Variants in GOLGA8F observed in about 807,000 individuals in gnomAD.
GOLGA8F encodes golgin A8 family member F.
For missense variants in GOLGA8F, 2 were observed against 93.4 expected, an observed-to-expected ratio of 0.02 and a Z score of 4.03; for synonymous variants, 1 against 35.4, an observed-to-expected ratio of 0.03 and a Z score of 3.45.
rs2077601956 is a variant in GOLGA8F, at chr15:28,385,806, C to T, written c.1203+89C>T. ...CTGGGGAGGGGAGGTGCCAGTCCAG[C>T]GGTAGCTCCAGCCCGGGGGCAGGTG... is the stretch of plus-strand genomic sequence containing the variant. On this transcript the variant is annotated intron_variant, in intron 13 of 18. Transcript: ENST00000526619. 7.3e-5 allele frequency: 13 copies of T among 178,186 alleles called. 4 individuals are homozygous for T. Among genetic ancestry groups the T allele is most frequent in the East Asian group, 1.6e-4 (6 of 36,558 alleles). The allele number at this position is 178,186 out of a possible 1,614,324, so 11.0% of individuals were successfully genotyped here.
chr15:28,384,995 T>C (rs2077582460), intron 11 of GOLGA8F, 130 bp from the exon 12 acceptor site: 1 of 581,266 alleles, frequency 1.7e-6, no homozygotes, highest in African/African-American at 2.3e-5. Context: ...CGAGGAATCA[T>C]TAGCAGTGAG....
At chr15:28,380,149 T>C (rs1360553118) in intron 1 of GOLGA8F, among the ~76,000 whole-genome samples, 1 of 144,752 alleles carries the variant, frequency 6.9e-6, no homozygotes, top group African/African-American at 2.5e-5. Flanking sequence ...CTAACAGACG[T>C]GTGAGGATGT....
At chr15:28,388,029 GT>G (rs1205289042) in intron 15 of GOLGA8F, among the ~76,000 whole-genome samples, 15 of 23,906 alleles carry the variant, frequency 6.3e-4, no homozygotes, top group East Asian at 1.9e-3. Context: ...AGCAGAGGGT[GT>G]GCTGCCAGCG....
intron 1 of GOLGA8F, among the ~76,000 whole-genome samples, 183 bp from the exon 2 acceptor site, chr15:28,380,323 CT>C (rs1436153752): frequency 6.8e-6 from 1 of 146,458 alleles, no homozygotes; most frequent in African/African-American, 2.5e-5. Context: ...TTCTTTTCTT[CT>C]TTTTTTTTCT....
intron 8 of GOLGA8F, among the ~76,000 whole-genome samples, 155 bp from the exon 9 acceptor site, chr15:28,383,992 C>T (rs2141422151): frequency 5.8e-5 from 1 of 17,150 alleles, no homozygotes; most frequent in East Asian, 5.3e-4. Context: ...CCTGTCCCTT[C>T]CAACTTTACT....
intron 9 of GOLGA8F, 44 bp downstream of exon 9, chr15:28,384,280 G>C (rs757733207): frequency 4.2e-6 from 1 of 236,698 alleles, no homozygotes; most frequent in East Asian, 2.7e-5. Flanking sequence ...GATGACCCCA[G>C]GTAACCAGGA....
chr15:28,389,370 T>G lies in GOLGA8F; in HGVS notation c.*307T>G, dbSNP rs2141431274. The stretch of plus-strand genomic sequence containing the variant: ...GGAGTTCAAACACACAAAGACCCAC[T>G]ATTTGCACAAAACTATTCTTGCTGG... On this transcript the variant is annotated 3_prime_UTR_variant, in exon 19 of 19. Transcript: ENST00000526619. The G allele has an allele frequency of 1.1e-5, 1 of 87,156 alleles. No homozygotes were observed. Among genetic ancestry groups the G allele is most frequent in the East Asian group, 2.6e-4 (1 of 3,906 alleles). The allele number at this position is 87,156 out of a possible 1,614,324, so 5.4% of individuals were successfully genotyped here.
chr15:28,380,258 A>C (rs2141420043), intron 1 of GOLGA8F, among the ~76,000 whole-genome samples: 1 of 148,466 alleles, frequency 6.7e-6, no homozygotes, highest in African/African-American at 2.5e-5. Flanking sequence ...ATTCTTGGTA[A>C]AACCCCAGAG....
At chr15:28,385,104 A>C (rs776871598) in intron 11 of GOLGA8F, 21 bp from the exon 12 acceptor site, 1 of 437,442 alleles carries the variant, frequency 2.3e-6, no homozygotes, top group African/African-American at 4.9e-5. Flanking sequence ...AGAGGCTCTT[A>C]TTGTCTGCTT....
At position 28,389,961 on chromosome 15, in the gene GOLGA8F, T is replaced by TAC. The variant is rs1231238554; in HGVS notation, c.*899_*900insCA. ...TCCTAGCTTAGAGCATTTGTATCTATATTTTAAAGTCAGAGTTCATGTTAC... is the reference window on the plus strand; with the variant it reads ...TCCTAGCTTAGAGCATTTGTATCTATACATTTTAAAGTCAGAGTTCATGTTAC... On this transcript the variant is annotated 3_prime_UTR_variant, in exon 19 of 19. Transcript: ENST00000526619. 1 of 149,508 alleles carries TAC rather than the reference T, an allele frequency of 6.7e-6. No individual in the cohort carries two copies. The highest frequency in any genetic ancestry group is 1.5e-5 in the Non-Finnish European group (1 of 67,574). 9.3% of individuals were successfully genotyped at this position (149,508 alleles called of 1,614,324 possible). A position where few individuals can be genotyped will look rare whatever the true frequency, so the allele number is the denominator to read the frequency against.
chr15:28,384,937 G>T (rs2077581303), intron 11 of GOLGA8F, among the ~76,000 whole-genome samples, 188 bp from the exon 12 acceptor site: 1 of 78,966 alleles, frequency 1.3e-5, no homozygotes, highest in African/African-American at 5.0e-5. Context: ...GCCACCCGCA[G>T]TGCTCTTTCT....
intron 1 of GOLGA8F, among the ~76,000 whole-genome samples, chr15:28,379,923 AG>A (rs1305475571): frequency 3.3e-5 from 4 of 122,036 alleles, no homozygotes; most frequent in African/African-American, 1.2e-4. Flanking sequence ...CTGAAGCATC[AG>A]TTTCCATTGA....
At chr15:28,384,008 C>T (rs1596504806) in intron 8 of GOLGA8F, 139 bp from the exon 9 acceptor site, 1 of 119,916 alleles carries the variant, frequency 8.3e-6, no homozygotes, top group East Asian at 3.9e-5. Context: ...TTACTGAGTT[C>T]TTTAAAAACC....
chr15:28,387,855 TC>T (rs2077622895), intron 15 of GOLGA8F, among the ~76,000 whole-genome samples, 162 bp downstream of exon 15: 1 of 91,962 alleles, frequency 1.1e-5, no homozygotes, highest in Non-Finnish European at 2.0e-5. Context: ...ACATGTGCAG[TC>T]TCTGGGGCCC....
chr15:28,384,293 A>G (rs779447643), intron 9 of GOLGA8F, 50 bp from the exon 10 acceptor site: 4 of 233,834 alleles, frequency 1.7e-5, no homozygotes, highest in African/African-American at 9.7e-5. Flanking sequence ...AACCAGGAGC[A>G]GGTGAGGACC....
At chr15:28,383,480 C>CGT (rs1347089623) in intron 8 of GOLGA8F, among the ~76,000 whole-genome samples, 34 of 688 alleles carry the variant, frequency 0.049, no homozygotes, top group Middle Eastern at 0.12. Flanking sequence ...AGAGAGGAAA[C>CGT]GTGTGTGTGT....
At chr15:28,387,460 AAAAT>A (rs1254629618) in intron 14 of GOLGA8F, 138 bp from the exon 15 acceptor site, 1 of 571,276 alleles carries the variant, frequency 1.8e-6, no homozygotes, top group Non-Finnish European at 3.1e-6. Flanking sequence ...CTTCAAAGTA[AAAAT>A]AAATAACAGC....
chr15:28,380,181 C>G (rs1430362494), intron 1 of GOLGA8F, among the ~76,000 whole-genome samples: 1 of 147,134 alleles, frequency 6.8e-6, no homozygotes, highest in Non-Finnish European at 1.5e-5. Flanking sequence ...ACATGGCATA[C>G]AGTTCCTGCC....
In GOLGA8F at chr15:28,384,295, G is replaced by A. The variant is rs746474172; in HGVS notation, c.682-48G>A. 7.7e-5 allele frequency: 18 copies of A among 232,812 alleles called. 1 individual carries two copies. Among genetic ancestry groups the A allele is most frequent in the South Asian group, 4.7e-4 (18 of 38,394 alleles). The allele number at this position is 232,812 out of a possible 1,614,324, so 14.4% of individuals were successfully genotyped here. ...GATGACCCCAGGTAACCAGGAGCAG[G>A]TGAGGACCAGTGACAGCCCTTCCTA... On this transcript the variant is annotated intron_variant, in intron 9 of 18. Coordinates refer to ENST00000526619, the MANE Select transcript of GOLGA8F (RefSeq NM_001350920.2).
Sources: allele counts gnomAD v4.1 joint callset (sites outside exome capture counted in the v4.1 genomes callset), GRCh38; gene constraint gnomAD v4.1.1; transcripts MANE v1.5; gene names NCBI Gene and HGNC (gene_info 2026-07-23, HGNC 2026-07-21).